Variants in DPP6 observed in about 807,000 individuals in gnomAD.
DPP6 encodes the protein A-type potassium channel modulatory protein DPP6.
In DPP6, 69 loss-of-function variants were observed where a neutral mutation model predicts 122.6. The observed-to-expected ratio is 0.56, with a 90% CI of 0.46 to 0.69. DPP6 has a LOEUF of 0.69. Ranked by LOEUF, DPP6 falls within the 30% of genes least tolerant of loss-of-function variation. The pLI, the probability that DPP6 is intolerant of heterozygous loss-of-function variation, is 0.00. For synonymous variants in DPP6, 418 were observed against 433.1 expected (o/e 0.97, Z 0.43); for missense variants, 928 against 1,116.9 (o/e 0.83, Z 2.41).
At chr7:154,394,253 CTGTTTGTT>C (rs962708918) in intron 1 of DPP6, among the ~76,000 whole-genome samples, 44 of 152,194 alleles carry the variant, frequency 2.9e-4, no homozygotes, top group African/African-American at 1.0e-3. Context: ...AACTTATTTT[CTGTTTGTT>C]TGTTTGTTTG....
chr7:153,958,095 C>T (rs1389367461), intron 1 of DPP6, among the ~76,000 whole-genome samples: 18 of 151,998 alleles, frequency 1.2e-4, no homozygotes, highest in Admixed American at 6.6e-4. Context: ...ACCCGGGAGG[C>T]GGAGGTTGCA....
chr7:154,801,502 C>T (rs753890436), intron 13 of DPP6, 40 bp downstream of exon 13: 1 of 1,533,090 alleles, frequency 6.5e-7, no homozygotes, highest in Non-Finnish European at 8.8e-7. Flanking sequence ...TAGAAACTGG[C>T]CTGCTAGAGG....
chr7:154,314,379 G>A (rs1230273465), intron 1 of DPP6, among the ~76,000 whole-genome samples: 4 of 152,200 alleles, frequency 2.6e-5, no homozygotes, highest in Non-Finnish European at 5.9e-5. Flanking sequence ...CTTATTTTCA[G>A]CATTTGGTCA....
the DPP6 span, among the ~76,000 whole-genome samples, chr7:153,778,156 G>A: frequency 6.7e-6 from 1 of 150,232 alleles, no homozygotes; most frequent in South Asian, 2.1e-4. Flanking sequence ...ATATATTTAG[G>A]GTTGAATACA....
At chr7:154,883,247 C>T (rs62649261) in intron 21 of DPP6, among the ~76,000 whole-genome samples, 36,934 of 141,396 alleles carry the variant, frequency 0.26, 5,090 homozygotes, top group East Asian at 0.5. Flanking sequence ...CATTCACACA[C>T]GCTCACCCAT....
chr7:154,153,976 C>T (rs1796556691), intron 1 of DPP6, among the ~76,000 whole-genome samples: 1 of 152,154 alleles, frequency 6.6e-6, no homozygotes, highest in Non-Finnish European at 1.5e-5. Context: ...AGCCATAGTT[C>T]AATTAGCAGC....
intron 8 of DPP6, among the ~76,000 whole-genome samples, chr7:154,745,988 T>C (rs2131432099): frequency 6.6e-6 from 1 of 152,310 alleles, no homozygotes; most frequent in South Asian, 2.1e-4. Flanking sequence ...TAGCAGGGCA[T>C]ATAGCATTGG....
At chr7:153,909,061 C>G (rs1338309897) in intron 1 of DPP6, among the ~76,000 whole-genome samples, 2 of 152,294 alleles carry the variant, frequency 1.3e-5, no homozygotes, top group Middle Eastern at 3.4e-3. Context: ...CCTAAATTTA[C>G]TTTAAAAGGG....
At chr7:154,579,466 G>T (rs538657000) in intron 5 of DPP6, among the ~76,000 whole-genome samples, 21 of 152,348 alleles carry the variant, frequency 1.4e-4, no homozygotes, top group African/African-American at 4.6e-4. Flanking sequence ...CTGATTAAAT[G>T]ATTTATTAGA....
intron 1 of DPP6, among the ~76,000 whole-genome samples, chr7:154,386,235 C>T (rs1253900429): frequency 6.6e-6 from 1 of 152,174 alleles, no homozygotes; most frequent in African/African-American, 2.4e-5. Context: ...TTTCCATCCT[C>T]TCGCATTTCC....
At chr7:153,909,311 A>AG (rs1167173097) in intron 1 of DPP6, among the ~76,000 whole-genome samples, 1 of 152,160 alleles carries the variant, frequency 6.6e-6, no homozygotes, top group African/African-American at 2.4e-5. Flanking sequence ...TCAGCAGAGC[A>AG]GGGGCTGGGC....
intron 6 of DPP6, among the ~76,000 whole-genome samples, chr7:154,668,349 T>C (rs971873831): frequency 1.3e-5 from 2 of 150,124 alleles, no homozygotes; most frequent in Non-Finnish European, 3.0e-5. Context: ...GCCTCCCAAG[T>C]AGCTGGGACT....
At chr7:154,887,757 A>T in intron 23 of DPP6, 23 bp downstream of exon 23, 1 of 1,613,152 alleles carries the variant, frequency 6.2e-7, no homozygotes, top group South Asian at 1.1e-5. Flanking sequence ...ACAACTAGAG[A>T]ATGTGATGAG....
intron 5 of DPP6, among the ~76,000 whole-genome samples, chr7:154,595,555 G>A (rs1833044482): frequency 6.6e-6 from 1 of 152,192 alleles, no homozygotes; most frequent in Admixed American, 6.5e-5. Context: ...ACTGTGAGCT[G>A]AGTTAAAAAC....
intron 1 of DPP6, among the ~76,000 whole-genome samples, chr7:153,929,008 GACCCTGGC>G (rs1186632826): frequency 6.6e-6 from 1 of 152,134 alleles, no homozygotes; most frequent in African/African-American, 2.4e-5. Context: ...CGGAGGGCCA[GACCCTGGC>G]ACCTTACAGC....
chr7:153,842,658 G>A, the DPP6 span, among the ~76,000 whole-genome samples: 2 of 152,118 alleles, frequency 1.3e-5, no homozygotes, highest in East Asian at 3.9e-4. Flanking sequence ...AGAAGGATGA[G>A]ATAGAGCTTA....
At chr7:154,528,802 G>A (rs538011203) in intron 3 of DPP6, among the ~76,000 whole-genome samples, 1 of 152,322 alleles carries the variant, frequency 6.6e-6, no homozygotes, top group East Asian at 1.9e-4. Context: ...AAGGGAGTTG[G>A]CCTTTATGCA....
upstream of DPP6, among the ~76,000 whole-genome samples, chr7:153,884,165 C>T (rs956733518): frequency 2.6e-5 from 4 of 152,134 alleles, no homozygotes; most frequent in Admixed American, 6.5e-5. Context: ...CCCCAATTCC[C>T]GCACCCCACA....
chr7:153,924,924 A>G (rs1448475007), intron 1 of DPP6, among the ~76,000 whole-genome samples: 1 of 152,230 alleles, frequency 6.6e-6, no homozygotes, highest in Non-Finnish European at 1.5e-5. Flanking sequence ...GTTGCGCAGC[A>G]GTCAAGAAAG....
Sources: allele counts gnomAD v4.1 joint callset (sites outside exome capture counted in the v4.1 genomes callset), GRCh38; gene constraint gnomAD v4.1.1; transcripts MANE v1.5; gene names NCBI Gene and HGNC (gene_info 2026-07-23, HGNC 2026-07-21).